The following FBN1 variants were observed in gnomAD, a reference collection of about 807,000 sequenced individuals.
FBN1 encodes the protein fibrillin-1.
Under a neutral mutation model 365.1 loss-of-function variants are expected in FBN1, and 29 were observed. The observed-to-expected ratio is 0.08, with a 90% CI of 0.06 to 0.11. FBN1 has a LOEUF of 0.11. Among genes scored for constraint, FBN1 ranks in the 10% least tolerant of loss-of-function variants. FBN1 has a pLI of 1.00. For synonymous variants in FBN1, 1,210 were observed against 1,270.5 expected (o/e 0.95, Z 1.01); for missense variants, 2,476 against 3,703.2 (o/e 0.67, Z 8.60).
Position 48,412,692 on chromosome 15 carries a change from G to A in FBN1, c.8103C>T (p.Val2701=), listed in dbSNP as rs1340105891. 6.2e-7 allele frequency: 1 copy of A among 1,614,230 alleles called. No individual in the cohort carries two copies. Among genetic ancestry groups the A allele is most frequent in the Admixed American group, 1.7e-5 (1 of 60,028 alleles). The change falls in exon 65 of 66, where the codon GTC becomes GTT. Residue 2701 remains valine, a synonymous_variant. Transcript: ENST00000316623. The part of the protein sequence containing the change: ...GMGRGNPEPP[V]SGEMDDNSLS... ...GTGAATTGTCATCCATTTCACCACT[G>A]ACAGGTGGCTCTGGGTTTCCTCGGC...
At chr15:48,638,994 T>C (rs555072544) in intron 2 of FBN1, among the ~76,000 whole-genome samples, 14 of 152,236 alleles carry the variant, frequency 9.2e-5, no homozygotes, top group Non-Finnish European at 1.5e-4. Flanking sequence ...CCTATGATTC[T>C]TTCTGTTTTA....
chr15:48,428,728 T>C (rs950869804), intron 56 of FBN1, among the ~76,000 whole-genome samples: 1 of 152,166 alleles, frequency 6.6e-6, no homozygotes, highest in South Asian at 2.1e-4. Flanking sequence ...TTCAATTCAT[T>C]CTTAACTGTT....
chr15:48,618,034 G>T (rs1462472261), intron 2 of FBN1, among the ~76,000 whole-genome samples: 1 of 152,018 alleles, frequency 6.6e-6, no homozygotes, highest in South Asian at 2.1e-4. Flanking sequence ...CTAGGTAAGG[G>T]CTAATGAGAC....
At chr15:48,461,454 A>C (rs1597544205) in intron 42 of FBN1, among the ~76,000 whole-genome samples, 1 of 152,206 alleles carries the variant, frequency 6.6e-6, no homozygotes, top group East Asian at 1.9e-4. Flanking sequence ...CTTTGGAAAA[A>C]TCTAATCTTT....
intron 63 of FBN1, 71 bp from the exon 64 acceptor site, chr15:48,415,838 C>T: frequency 7.6e-7 from 1 of 1,316,324 alleles, no homozygotes; most frequent in Non-Finnish European, 1.1e-6. Flanking sequence ...TGGATCTGGC[C>T]ACTTGCTGCC....
chr15:48,492,367 A>G (rs2043567204), intron 24 of FBN1, 94 bp downstream of exon 24: 1 of 1,278,732 alleles, frequency 7.8e-7, no homozygotes, highest in Non-Finnish European at 1.1e-6. Context: ...GTGTGTCTGT[A>G]CCTGAAGCTA....
intron 28 of FBN1, 33 bp downstream of exon 28, chr15:48,487,279 A>G (rs562124196): frequency 6.2e-7 from 1 of 1,614,242 alleles, no homozygotes; most frequent in East Asian, 2.2e-5. Context: ...ACAACTGACC[A>G]CAAGTAAATG....
Position 48,426,702 on chromosome 15 carries a change from C to T in FBN1, c.7205-838G>A, listed in dbSNP as rs565981887. Among the ~76,000 whole-genome samples, 19 of 152,266 alleles carry T rather than the reference C, an allele frequency of 1.2e-4. No homozygotes were observed. The East Asian group carries it at 1.5e-3, about 12-fold the overall frequency. ...TGTATCTGACCTTTACAAGTCTACT[C>T]TGAAGTGCAATTTAGCACACTCTTA... On this transcript the variant is annotated intron_variant, in intron 58 of 65. Coordinates refer to ENST00000316623, the MANE Select transcript of FBN1 (RefSeq NM_000138.5).
At chr15:48,481,861 C>T (rs1409448847) in intron 31 of FBN1, 81 bp from the exon 32 acceptor site, 3 of 1,364,778 alleles carry the variant, frequency 2.2e-6, no homozygotes, top group Non-Finnish European at 3.1e-6. Context: ...ATAACTATGA[C>T]AAATACATTA....
chr15:48,515,527 C>A lies in FBN1; in HGVS notation c.1328G>T (p.Arg443Met). The change falls in exon 12 of 66, where the codon AGG becomes ATG. Residue 443 changes from arginine to methionine, a missense_variant and splice_region_variant. Arg to Met is a moderately conservative substitution (Grantham distance 91). Transcript: ENST00000316623. Reference protein sequence around the residue: ...EYLYPSREPPRVLPVNVTDYC... With the variant: ...EYLYPSREPPMVLPVNVTDYC... The stretch of plus-strand genomic sequence containing the variant: ...ATCAGTAACGTTTACTGGCAGCACC[C>A]CTAGAAGAACATTAAGCCCCATTAA... 6.2e-7 allele frequency: 1 copy of A among 1,613,856 alleles called. No individual in the cohort carries two copies. The highest frequency in any genetic ancestry group is 8.5e-7 in the Non-Finnish European group (1 of 1,179,844).
At chr15:48,413,271 A>G (rs1287864311) in intron 64 of FBN1, among the ~76,000 whole-genome samples, 3 of 152,168 alleles carry the variant, frequency 2.0e-5, no homozygotes, top group Non-Finnish European at 4.4e-5. Context: ...TATGCTACTG[A>G]GGATAAGAAG....
chr15:48,540,125 C>A (rs2044046886), intron 6 of FBN1, among the ~76,000 whole-genome samples: 1 of 152,100 alleles, frequency 6.6e-6, no homozygotes, highest in South Asian at 2.1e-4. Context: ...TGGCTCAATT[C>A]TCCCAAACAA....
chr15:48,416,424 C>T (rs1003478912), intron 63 of FBN1, among the ~76,000 whole-genome samples: 1 of 152,186 alleles, frequency 6.6e-6, no homozygotes, highest in African/African-American at 2.4e-5. Flanking sequence ...TCTGGTATGT[C>T]TGCTCCCATC....
At chr15:48,616,626 T>A (rs1889659006) in intron 2 of FBN1, among the ~76,000 whole-genome samples, 1 of 152,240 alleles carries the variant, frequency 6.6e-6, no homozygotes, top group Non-Finnish European at 1.5e-5. Flanking sequence ...ACAAGGAAGG[T>A]AAATCTTTAA....
intron 50 of FBN1, among the ~76,000 whole-genome samples, chr15:48,441,089 G>GA (rs1353998334): frequency 2.0e-5 from 3 of 152,040 alleles, no homozygotes; most frequent in African/African-American, 7.3e-5. Context: ...AGTTTTCTGG[G>GA]ACTTAAGTAC....
intron 2 of FBN1, among the ~76,000 whole-genome samples, chr15:48,613,401 T>TAA (rs1297475488): frequency 2.0e-5 from 3 of 152,166 alleles, no homozygotes; most frequent in Admixed American, 2.0e-4. Context: ...ACAATAAACT[T>TAA]AAACAATAAA....
intron 6 of FBN1, among the ~76,000 whole-genome samples, chr15:48,550,411 G>C (rs2044132478): frequency 6.6e-6 from 1 of 152,156 alleles, no homozygotes; most frequent in African/African-American, 2.4e-5. Flanking sequence ...GGGGATTACA[G>C]AGTATCCCTC....
At chr15:48,595,891 T>TGTATG (rs2044511568) in intron 6 of FBN1, among the ~76,000 whole-genome samples, 1 of 152,230 alleles carries the variant, frequency 6.6e-6, no homozygotes, top group Non-Finnish European at 1.5e-5. Flanking sequence ...CTTTTCATAC[T>TGTATG]GAAATTCTCC....
Position 48,427,656 on chromosome 15 carries a change from C to T in FBN1, c.7115G>A (p.Gly2372Asp). Residue 2372 changes from glycine to aspartate, a missense_variant, in exon 58 of 66, where the codon GGT (glycine) becomes GAT (aspartate). Around this residue, in one of 5 missense-constraint regions of FBN1, gnomAD observed 1,780 missense variants for 2,840.8 expected, o/e 0.63. Transcript: ENST00000316623. ...GAAAGGGCAGATCTCACAGTGGGGA[C>T]CCCAGCCTCTCCCTCCGTCACAGCA... is the stretch of plus-strand genomic sequence containing the variant. ...ECCCDGGRGW[G>D]PHCEICPFQG... 1.2e-6 allele frequency: 2 copies of T among 1,614,148 alleles called. No individual in the cohort carries two copies. The highest frequency in any genetic ancestry group is 1.7e-6 in the Non-Finnish European group (2 of 1,180,008).
Sources: allele counts gnomAD v4.1 joint callset (sites outside exome capture counted in the v4.1 genomes callset), GRCh38; gene constraint gnomAD v4.1.1; regional missense constraint gnomAD v4.1.1; transcripts MANE v1.5; gene names NCBI Gene and HGNC (gene_info 2026-07-23, HGNC 2026-07-21).